OSBPL8: variants seen among roughly 807,000 people sequenced by gnomAD.
OSBPL8 encodes oxysterol-binding protein-related protein 8.
Under a neutral mutation model 125.5 loss-of-function variants are expected in OSBPL8, and 59 were observed. The observed-to-expected ratio is 0.47, with a 90% CI of 0.38 to 0.58. OSBPL8 has a LOEUF of 0.58. OSBPL8 is among the 20% of genes least tolerant of loss of function. The pLI is 0.00. For missense variants in OSBPL8, 758 were observed against 1,047.8 expected (o/e 0.72, Z 3.82); for synonymous variants, 330 against 338.9 (o/e 0.97, Z 0.29).
intron 1 of OSBPL8, 96 bp downstream of exon 1, chr12:76,559,301 C>A: frequency 6.5e-6 from 1 of 152,764 alleles, no homozygotes; most frequent in East Asian, 1.9e-4. Context: ...CAGGAGTCCC[C>A]GACAGCCCGA....
intron 4 of OSBPL8, among the ~76,000 whole-genome samples, chr12:76,411,142 A>G (rs1304553287): frequency 2.6e-5 from 4 of 152,182 alleles, no homozygotes; most frequent in African/African-American, 9.6e-5. Flanking sequence ...CATACATTCA[A>G]TTAATGTTCA....
chr12:76,410,753 T>C, intron 4 of OSBPL8, 119 bp from the exon 5 acceptor site: 1 of 650,780 alleles, frequency 1.5e-6, no homozygotes, highest in Admixed American at 2.6e-5. Context: ...TACACACAGC[T>C]TTAAACTATT....
intron 4 of OSBPL8, among the ~76,000 whole-genome samples, chr12:76,423,611 A>C (rs1177485379): frequency 6.6e-6 from 1 of 152,170 alleles, no homozygotes; most frequent in Non-Finnish European, 1.5e-5. Context: ...ACGTCATTAA[A>C]TCTAACAGGT....
chr12:76,524,873 G>A (rs1306395191), intron 1 of OSBPL8, among the ~76,000 whole-genome samples: 2 of 151,920 alleles, frequency 1.3e-5, no homozygotes, highest in African/African-American at 2.4e-5. Context: ...TAGTAGAGAC[G>A]GGGTATCGTC....
chr12:76,447,366 C>T (rs536583338), intron 4 of OSBPL8, among the ~76,000 whole-genome samples: 1 of 152,304 alleles, frequency 6.6e-6, no homozygotes, highest in African/African-American at 2.4e-5. Context: ...TGAAGTACTA[C>T]ACACTCCCTA....
chr12:76,381,354 G>C (rs1953042031), intron 15 of OSBPL8, among the ~76,000 whole-genome samples: 1 of 152,080 alleles, frequency 6.6e-6, no homozygotes, highest in African/African-American at 2.4e-5. Context: ...AGACATCTGG[G>C]CCTGGAGTAT....
chr12:76,438,629 T>C (rs551490294), intron 4 of OSBPL8, among the ~76,000 whole-genome samples: 86 of 152,376 alleles, frequency 5.6e-4, no homozygotes, highest in African/African-American at 2.0e-3. Flanking sequence ...AGATTCTAAC[T>C]TCACATGGTT....
chr12:76,502,998 A>C (rs1312153543), intron 1 of OSBPL8, among the ~76,000 whole-genome samples: 1 of 152,230 alleles, frequency 6.6e-6, no homozygotes, highest in Non-Finnish European at 1.5e-5. Context: ...TCTACATTAC[A>C]GTATTTCAGT....
At chr12:76,407,750 T>C (rs1307746386) in intron 5 of OSBPL8, among the ~76,000 whole-genome samples, 1 of 152,102 alleles carries the variant, frequency 6.6e-6, no homozygotes, top group East Asian at 1.9e-4. Flanking sequence ...CATAAGAAAA[T>C]AAATTCTTAA....
At chr12:76,490,803 G>C (rs1878636901) in intron 1 of OSBPL8, among the ~76,000 whole-genome samples, 1 of 152,222 alleles carries the variant, frequency 6.6e-6, no homozygotes, top group Non-Finnish European at 1.5e-5. Flanking sequence ...TAACACTTAA[G>C]CCACCCACAG....
chr12:76,499,465 C>G (rs1351035643), intron 1 of OSBPL8, among the ~76,000 whole-genome samples: 1 of 152,090 alleles, frequency 6.6e-6, no homozygotes, highest in Admixed American at 6.5e-5. Context: ...TAGGCTCAAG[C>G]GATCAAGCGA....
intron 21 of OSBPL8, among the ~76,000 whole-genome samples, chr12:76,368,840 T>C (rs1452506708): frequency 6.6e-6 from 1 of 152,170 alleles, no homozygotes; most frequent in Non-Finnish European, 1.5e-5. Context: ...CAATTGTGTA[T>C]GAGGTCCACT....
chr12:76,367,646 C>T (rs1352028994), intron 21 of OSBPL8, among the ~76,000 whole-genome samples: 2 of 152,152 alleles, frequency 1.3e-5, no homozygotes, highest in South Asian at 2.1e-4. Flanking sequence ...TACTCCATTA[C>T]TGCCTGCTTT....
chr12:76,497,968 G>C (rs1879454599), intron 1 of OSBPL8, among the ~76,000 whole-genome samples: 1 of 152,204 alleles, frequency 6.6e-6, no homozygotes, highest in African/African-American at 2.4e-5. Flanking sequence ...CAAAGCAACT[G>C]TTTTTGTGTG....
chr12:76,360,310 C>T (rs1459796672), intron 21 of OSBPL8, among the ~76,000 whole-genome samples: 3 of 152,186 alleles, frequency 2.0e-5, no homozygotes, highest in African/African-American at 7.2e-5. Context: ...TTTTAAAGCT[C>T]CAAAATGATC....
intron 9 of OSBPL8, 57 bp from the exon 10 acceptor site, chr12:76,392,809 C>A: frequency 6.8e-7 from 1 of 1,475,746 alleles, no homozygotes; most frequent in Non-Finnish European, 9.2e-7. Context: ...AACTAGCATG[C>A]ATCTTAACTT....
intron 22 of OSBPL8, among the ~76,000 whole-genome samples, 165 bp downstream of exon 22, chr12:76,358,541 G>A (rs946101538): frequency 9.2e-5 from 14 of 151,816 alleles, no homozygotes; most frequent in Admixed American, 4.6e-4. Context: ...TTTACCTTGC[G>A]TCCTGGTCTC....
intron 1 of OSBPL8, among the ~76,000 whole-genome samples, chr12:76,505,442 A>AATTTTTAATTTTTTAAATTTTTTATTTAT (rs1880314241): frequency 6.6e-6 from 1 of 152,200 alleles, no homozygotes; most frequent in South Asian, 2.1e-4. Flanking sequence ...AAGTACCTGT[A>AATTTTTAATTTTTTAAATTTTTTATTTAT]GTAATTTATT....
intron 4 of OSBPL8, among the ~76,000 whole-genome samples, chr12:76,424,081 AC>A (rs1172907326): frequency 3.9e-5 from 6 of 151,938 alleles, no homozygotes; most frequent in African/African-American, 1.5e-4. Context: ...GCTCGCTGCC[AC>A]CTCTACCTCT....
Sources: gnomAD v4.1 joint callset for allele counts (sites outside exome capture counted in the v4.1 genomes callset) on GRCh38, gnomAD v4.1.1 for gene constraint, MANE v1.5 for transcripts, NCBI Gene and HGNC (gene_info 2026-07-23, HGNC 2026-07-21) for gene names.